The following RNF14 variants were observed in gnomAD, a reference collection of about 807,000 sequenced individuals.
The protein encoded by RNF14 is ring finger protein 14.
A neutral mutation model predicts 52.6 loss-of-function variants in RNF14; 26 were observed. The observed-to-expected ratio is 0.49, with a 90% confidence interval of 0.36 to 0.69. RNF14 has a LOEUF of 0.69. RNF14 is among the 30% of genes least tolerant of loss of function. RNF14 has a pLI of 0.00. For synonymous variants in RNF14, 194 were observed against 202.0 expected, an observed-to-expected ratio of 0.96 and a Z score of 0.34; for missense variants, 404 against 560.4, an observed-to-expected ratio of 0.72 and a Z score of 2.82.
rs369026481 is a variant in RNF14, at chr5:141,980,146, G to C, written c.858G>C (p.Glu286Asp). Reference protein sequence around the residue: ...PGQVKELVEAELFARYDRLLL... With the variant: ...PGQVKELVEADLFARYDRLLL... ...AGGTCAAAGAGTTAGTGGAAGCAGAGTTATTTGCCCGTTATGACCGCCTTC... is the reference window on the plus strand; with the variant it reads ...AGGTCAAAGAGTTAGTGGAAGCAGACTTATTTGCCCGTTATGACCGCCTTC... The change falls in exon 6 of 9, where the codon GAG becomes GAC. Residue 286 changes from glutamate to aspartate, a missense_variant. Coordinates refer to ENST00000394520, the MANE Select transcript of RNF14 (RefSeq NM_004290.5). 2.5e-6 allele frequency: 4 copies of C among 1,614,192 alleles called. No homozygotes were observed. The African/African-American group carries it at 5.3e-5, about 22-fold the overall frequency.
rs1754455658 is a variant in RNF14, at chr5:141,978,461, G to A, written c.465G>A (p.Gln155=). ...ELKIGSQKKV[Q]RRTAQASPNT... ...AGATTGGTTCTCAGAAAAAAGTGCA[G>A]AGAAGGACAGCTCAAGCTTCTCCCA... The change falls in exon 5 of 9, where the codon CAG becomes CAA. Residue 155 remains glutamine (Q), a synonymous_variant. Transcript: ENST00000394520. The A allele has an allele frequency of 1.9e-6, 3 of 1,614,172 alleles. No individual in the cohort carries two copies. The East Asian group carries it at 6.7e-5, about 36-fold the overall frequency.
intron 8 of RNF14, 88 bp downstream of exon 8, chr5:141,985,021 T>A: frequency 1.7e-6 from 2 of 1,152,462 alleles, no homozygotes; most frequent in Non-Finnish European, 2.5e-6. Context: ...TTTAAGTACT[T>A]GGACTTATTT....
chr5:141,981,401 C>T (rs1193647174), intron 6 of RNF14, among the ~76,000 whole-genome samples: 3 of 151,960 alleles, frequency 2.0e-5, no homozygotes, highest in African/African-American at 7.3e-5. Context: ...TCTTTTGAGC[C>T]TCAGTTGAGA....
upstream of RNF14, among the ~76,000 whole-genome samples, chr5:141,963,379 CTT>C (rs1199358722): frequency 7.3e-6 from 1 of 136,506 alleles, no homozygotes; most frequent in Admixed American, 7.3e-5. Flanking sequence ...ACACAAGTTC[CTT>C]TTTTTTTTTT....
In RNF14 at chr5:141,961,169, T is replaced by C. The variant is rs545187231; in HGVS notation, c.-181+2744T>C. ...ATATTCTTCAGAGGACATTGTTTTATCTATATATATTTTACATGCAGTTAT... is the reference window on the plus strand; with the variant it reads ...ATATTCTTCAGAGGACATTGTTTTACCTATATATATTTTACATGCAGTTAT... On this transcript the variant is annotated intron_variant, in intron 1 of 4. Coordinates refer to the RNF14 transcript ENST00000506822. Among the ~76,000 whole-genome samples, 79 of 152,294 alleles carry C rather than the reference T, an allele frequency of 5.2e-4. 1 individual carries two copies. In the South Asian group the frequency reaches 0.015, roughly 30 times the overall value.
At chr5:141,975,762 A>G (rs1460531840) in intron 4 of RNF14, among the ~76,000 whole-genome samples, 1 of 152,074 alleles carries the variant, frequency 6.6e-6, no homozygotes, top group East Asian at 1.9e-4. Flanking sequence ...CAATTTCTAC[A>G]AAAAATACAA....
chr5:141,950,354 T>G, the RNF14 span, among the ~76,000 whole-genome samples: 2 of 152,174 alleles, frequency 1.3e-5, no homozygotes, highest in Non-Finnish European at 2.9e-5. Flanking sequence ...TTTGTTCCCC[T>G]GTAGCCATTT....
rs1343727695 is a variant in RNF14, at chr5:141,978,656, C to T, written c.660C>T (p.Cys220=). 2.5e-6 allele frequency: 4 copies of T among 1,613,828 alleles called. No homozygotes were observed. The Admixed American group carries it at 6.7e-5, about 27-fold the overall frequency. ...IKCFNSKLFL[C]SICFCEKLGS... The stretch of plus-strand genomic sequence containing the variant: ...GCTTTAATAGTAAATTGTTCCTGTG[C>T]AGTATCTGTTTCTGTGAGAAGCTGG... Residue 220 remains cysteine (C), a synonymous_variant, in exon 5 of 9, where the codon TGC becomes TGT. Coordinates refer to ENST00000394520, the MANE Select transcript of RNF14 (RefSeq NM_004290.5).
chr5:141,970,906 A>G, intron 2 of RNF14, 29 bp downstream of exon 2: 1 of 152,358 alleles, frequency 6.6e-6, no homozygotes, highest in African/African-American at 2.4e-5. Flanking sequence ...TAGAACATGT[A>G]ATTGTGTCTT....
chr5:141,973,829 C>A, intron 3 of RNF14, 87 bp downstream of exon 3: 1 of 1,179,910 alleles, frequency 8.5e-7, no homozygotes, highest in Non-Finnish European at 1.2e-6. Flanking sequence ...GTGTTTTAGG[C>A]ATTAGTGATA....
At chr5:141,986,178 G>A (rs2127061430) in intron 8 of RNF14, among the ~76,000 whole-genome samples, 1 of 152,270 alleles carries the variant, frequency 6.6e-6, no homozygotes, top group African/African-American at 2.4e-5. Context: ...TGATTCCTTG[G>A]CACAATGTGA....
upstream of RNF14, among the ~76,000 whole-genome samples, chr5:141,962,324 CAG>C (rs1426615237): frequency 6.6e-6 from 1 of 152,218 alleles, no homozygotes; most frequent in Admixed American, 6.5e-5. Context: ...TCTTGGTTAA[CAG>C]CGGCAGTTCT....
At chr5:141,958,248 A>G (rs1186211008), upstream of RNF14, 2 of 183,196 alleles carry the variant, frequency 1.1e-5, no homozygotes, top group East Asian at 1.4e-4. Flanking sequence ...AACCCCACCT[A>G]CAGGAAAAGG....
At chr5:141,962,599 G>A (rs141160139), upstream of RNF14, among the ~76,000 whole-genome samples, 348 of 152,276 alleles carry the variant, frequency 2.3e-3, 2 homozygotes, top group African/African-American at 8.0e-3. Flanking sequence ...AAATTCTGGA[G>A]AGCAATACAG....
At chr5:141,962,340 A>T (rs999691153), upstream of RNF14, among the ~76,000 whole-genome samples, 4 of 152,250 alleles carry the variant, frequency 2.6e-5, no homozygotes, top group Non-Finnish European at 5.9e-5. Flanking sequence ...CAGTTCTCAA[A>T]AGGGTCCAGA....
chr5:141,955,293 G>A, upstream of RNF14: 1 of 1,614,228 alleles, frequency 6.2e-7, no homozygotes, highest in South Asian at 1.1e-5. The surrounding 1 kb of genome is among the most constrained non-coding windows in gnomAD (Gnocchi z 5.5). Flanking sequence ...TCCTCTGCCT[G>A]GGATGGTTGA....
Position 141,987,770 on chromosome 5 carries a change from G to C in RNF14, c.1405G>C (p.Glu469Gln), listed in dbSNP as rs1452630584. 1 of 1,613,726 alleles carries C rather than the reference G, an allele frequency of 6.2e-7. No homozygotes were observed. The highest frequency in any genetic ancestry group is 1.7e-5 in the Admixed American group (1 of 60,022). ...TGTGGATGTTGACGACGATATTTGGGAAGATGAGGTAGAAGACTAGTTAAC... is the reference window on the plus strand; with the variant it reads ...TGTGGATGTTGACGACGATATTTGGCAAGATGAGGTAGAAGACTAGTTAAC... ...YAVDVDDDIW[E>Q]DEVED Residue 469 changes from glutamate (E) to glutamine (Q), a missense_variant, in exon 9 of 9, where the codon GAA becomes CAA. Physicochemically the swap from Glu to Gln is conservative, Grantham distance 29. Coordinates refer to ENST00000394520, the MANE Select transcript of RNF14 (RefSeq NM_004290.5).
rs919618677 is a variant in RNF14, at chr5:141,987,980, G to C, written c.*190G>C. The C allele has an allele frequency of 9.0e-6, 5 of 554,394 alleles. No individual in the cohort carries two copies. The African/African-American group carries it at 9.4e-5, about 10-fold the overall frequency. The allele number at this position is 554,394 out of a possible 1,614,324, so 34.3% of individuals were successfully genotyped here. A position where few individuals can be genotyped will look rare whatever the true frequency, so the allele number is the denominator to read the frequency against. On this transcript the variant is annotated 3_prime_UTR_variant, in exon 9 of 9. Transcript: ENST00000394520. ...TGCATTGATACATTTTTAAATGTAA[G>C]TTGAGAAAAATTTATAAGCCAAAGG...
the RNF14 span, chr5:141,949,532 T>G: frequency 1.2e-6 from 2 of 1,614,140 alleles, no homozygotes; most frequent in Non-Finnish European, 1.7e-6. Context: ...GTTCTGGGTC[T>G]GTCTGGCCTC....
Sources: gnomAD v4.1 joint callset for allele counts (sites outside exome capture counted in the v4.1 genomes callset) on GRCh38, gnomAD v4.1.1 for gene constraint, Gnocchi (gnomAD v3.1) non-coding constraint, MANE v1.5 for transcripts, NCBI Gene and HGNC (gene_info 2026-07-23, HGNC 2026-07-21) for gene names.